MACROD1: variants seen among roughly 807,000 people sequenced by gnomAD.
MACROD1 encodes the protein mono-ADP ribosylhydrolase 1, also known as ADP-ribose glycohydrolase MACROD1.
Under a neutral mutation model 41.4 loss-of-function variants are expected in MACROD1, and 31 were observed. The observed-to-expected ratio is 0.75, with a 90% CI of 0.56 to 1.01. MACROD1 has a LOEUF of 1.01. Among genes scored for constraint, MACROD1 ranks in the 50% least tolerant of loss-of-function variants. The probability of loss-of-function intolerance (pLI) is 0.00; values close to 1 mark genes in which losing one functional copy is unlikely to be tolerated. For synonymous variants in MACROD1, 252 were observed against 203.4 expected, an observed-to-expected ratio of 1.24 and a Z score of -2.03; for missense variants, 473 against 460.0, an observed-to-expected ratio of 1.03 and a Z score of -0.26.
At chr11:64,079,112 G>C (rs941817739) in intron 3 of MACROD1, among the ~76,000 whole-genome samples, 3 of 152,142 alleles carry the variant, frequency 2.0e-5, no homozygotes, top group East Asian at 1.9e-4. Flanking sequence ...ATGGTGCAGT[G>C]GGGGGCGGTG....
At chr11:64,073,385 C>A (rs1175881908) in intron 3 of MACROD1, among the ~76,000 whole-genome samples, 1 of 152,176 alleles carries the variant, frequency 6.6e-6, no homozygotes, top group Non-Finnish European at 1.5e-5. Context: ...CTTGGGGGTC[C>A]CAGAGACCTG....
intron 3 of MACROD1, among the ~76,000 whole-genome samples, chr11:64,034,388 G>C (rs1943334771): frequency 6.6e-6 from 1 of 152,194 alleles, no homozygotes; most frequent in Admixed American, 6.5e-5. Context: ...AATGCTGTTT[G>C]GGCAATAAAT....
At chr11:64,142,837 C>G (rs1007378213) in intron 3 of MACROD1, among the ~76,000 whole-genome samples, 3 of 151,996 alleles carry the variant, frequency 2.0e-5, no homozygotes, top group African/African-American at 7.2e-5. Flanking sequence ...AAAACTGGGC[C>G]GGGCATGGTG....
Position 64,000,343 on chromosome 11 carries a change from A to G in MACROD1, c.548T>C (p.Val183Ala), listed in dbSNP as rs1942801461. The G allele has an allele frequency of 4.5e-6, 7 of 1,568,348 alleles. No individual in the cohort carries two copies. In the African/African-American group the frequency reaches 5.5e-5, roughly 12 times the overall value. ...ANSSLLGGGGVDGCIHRAAGP... is the reference protein window; with the variant it reads ...ANSSLLGGGGADGCIHRAAGP... ...GGCGGCCCGATGAATGCAGCCGTCC[A>G]CTGCGGGAAGGGCGGGCGCGACTGA... The change falls in exon 5 of 11, where the codon GTG (valine) becomes GCG (alanine). Residue 183 changes from valine to alanine, a missense_variant and splice_region_variant. Val to Ala is a moderately conservative substitution (Grantham distance 64, BLOSUM62 0). Transcript: ENST00000255681.
intron 5 of MACROD1, 107 bp from the exon 6 acceptor site, chr11:63,999,870 C>A (rs540865808): frequency 3.9e-6 from 5 of 1,298,398 alleles, no homozygotes; most frequent in African/African-American, 2.9e-5. Context: ...CCTTTCCCCC[C>A]AAGCGCTGAG....
At chr11:64,132,501 G>C (rs1430616832) in intron 3 of MACROD1, among the ~76,000 whole-genome samples, 2 of 152,148 alleles carry the variant, frequency 1.3e-5, no homozygotes, top group Non-Finnish European at 1.5e-5. Context: ...CCAGGGTGAA[G>C]GGCTTCAGGG....
At chr11:64,012,638 A>C (rs1316980567) in intron 4 of MACROD1, among the ~76,000 whole-genome samples, 1 of 152,006 alleles carries the variant, frequency 6.6e-6, no homozygotes, top group Non-Finnish European at 1.5e-5. Flanking sequence ...TGACCTCGTG[A>C]TCTGCCCACT....
At chr11:64,132,521 G>C (rs2134661296) in intron 3 of MACROD1, among the ~76,000 whole-genome samples, 1 of 152,354 alleles carries the variant, frequency 6.6e-6, no homozygotes, top group Middle Eastern at 3.4e-3. Context: ...GCAGTTGCCA[G>C]GGACGGGCGG....
At chr11:64,137,384 G>A (rs1945347899) in intron 3 of MACROD1, among the ~76,000 whole-genome samples, 2 of 152,162 alleles carry the variant, frequency 1.3e-5, no homozygotes, top group Admixed American at 1.3e-4. Context: ...AGAATAGTTG[G>A]TGAGGATACT....
At chr11:64,020,324 G>A (rs370659399) in intron 3 of MACROD1, among the ~76,000 whole-genome samples, 3 of 152,134 alleles carry the variant, frequency 2.0e-5, no homozygotes, top group Non-Finnish European at 4.4e-5. Flanking sequence ...GACACGGAAA[G>A]TGATCCTCTC....
intron 3 of MACROD1, among the ~76,000 whole-genome samples, chr11:64,065,059 AG>A (rs1191801091): frequency 2.0e-5 from 3 of 152,222 alleles, no homozygotes; most frequent in Non-Finnish European, 4.4e-5. Context: ...GAAGCCCAGC[AG>A]GGCCCAGCAC....
intron 3 of MACROD1, chr11:64,116,662 T>A: frequency 6.2e-7 from 1 of 1,613,940 alleles, no homozygotes; most frequent in Non-Finnish European, 8.5e-7. Context: ...CTCCGGGAGC[T>A]GCACCTGCAG....
chr11:64,045,118 T>G (rs1331700800), intron 3 of MACROD1, among the ~76,000 whole-genome samples: 2 of 152,074 alleles, frequency 1.3e-5, no homozygotes, highest in Admixed American at 1.3e-4. Flanking sequence ...GGGTGGCATG[T>G]GCTTCTGCCT....
intron 3 of MACROD1, among the ~76,000 whole-genome samples, chr11:64,071,980 G>T (rs1944116030): frequency 6.6e-6 from 1 of 152,236 alleles, no homozygotes; most frequent in Non-Finnish European, 1.5e-5. Context: ...AGGGGAACGG[G>T]CTGGCTCCTG....
chr11:64,163,445 C>T lies in MACROD1; in HGVS notation c.298+2252G>A, dbSNP rs569674957. ...GACCCCTAGAATAAAGCAGGAGAGA[C>T]TTCGAAGACGAGGTCACAAAGAAGG... On this transcript the variant is annotated intron_variant, in intron 1 of 10. Transcript: ENST00000255681. 4.7e-4 allele frequency among the ~76,000 whole-genome samples: 71 copies of T among 152,336 alleles called. 1 individual carries two copies. The highest frequency in any genetic ancestry group is 2.9e-3 in the South Asian group (14 of 4,826).
intron 3 of MACROD1, among the ~76,000 whole-genome samples, chr11:64,025,013 G>C (rs1437197679): frequency 6.6e-6 from 1 of 152,084 alleles, no homozygotes; most frequent in African/African-American, 2.4e-5. Flanking sequence ...GTCTCACTCT[G>C]TCGCCCAGGC....
intron 3 of MACROD1, among the ~76,000 whole-genome samples, chr11:64,099,896 G>A (rs370845830): frequency 5.3e-5 from 8 of 151,890 alleles, no homozygotes; most frequent in Admixed American, 4.6e-4. Context: ...TGGAGGGAGA[G>A]ATGGAAGGAT....
chr11:64,062,684 G>A (rs978057245), intron 3 of MACROD1, among the ~76,000 whole-genome samples: 9 of 152,216 alleles, frequency 5.9e-5, no homozygotes, highest in Non-Finnish European at 7.3e-5. Flanking sequence ...AGGGAAGCCA[G>A]AGTGCTGAAG....
At chr11:64,047,605 A>T (rs770221285) in intron 3 of MACROD1, among the ~76,000 whole-genome samples, 1 of 152,034 alleles carries the variant, frequency 6.6e-6, no homozygotes, top group Non-Finnish European at 1.5e-5. Flanking sequence ...AGGTTAATAG[A>T]GGGAAGGAAG....
Sources: allele counts gnomAD v4.1 joint callset (sites outside exome capture counted in the v4.1 genomes callset), GRCh38; gene constraint gnomAD v4.1.1; transcripts MANE v1.5; gene names NCBI Gene and HGNC (gene_info 2026-07-23, HGNC 2026-07-21).